Variants in GNL3L observed in about 807,000 individuals in gnomAD.
GNL3L encodes the protein G protein nucleolar 3 like.
GNL3L carries 4 observed loss-of-function variants against 42.9 expected under a neutral mutation model. That is an observed-to-expected ratio of 0.09 (90% confidence interval 0.05 to 0.21). The LOEUF is 0.21. Ranked by LOEUF, GNL3L falls within the 10% of genes least tolerant of loss-of-function variation. The probability of loss-of-function intolerance (pLI) is 1.00; values close to 1 mark genes in which losing one functional copy is unlikely to be tolerated. For missense variants in GNL3L, 412 were observed against 481.7 expected (o/e 0.86, Z 1.36); for synonymous variants, 159 against 176.3 (o/e 0.90, Z 0.78).
Position 54,564,704 on chromosome X carries a change from C to G in GNL3L, c.*4102C>G, listed in dbSNP as rs932154662. On this transcript the variant is annotated 3_prime_UTR_variant, in exon 16 of 16. Transcript: ENST00000360845. ...TACAAGAGTGAGCCACTGCGCCTGG[C>G]CTTTTTCTTTGTTCTTATATTTTTG... Among the ~76,000 whole-genome samples, 1 of 104,096 alleles carries G rather than the reference C, an allele frequency of 9.6e-6. No homozygotes were observed. The highest frequency in any genetic ancestry group is 2.0e-5 in the Non-Finnish European group (1 of 51,206). The allele number at this position is 104,096 out of a possible 115,157, so 90.4% of individuals were successfully genotyped here. A position where few individuals can be genotyped will look rare whatever the true frequency, so the allele number is the denominator to read the frequency against.
chrX:54,584,080 GA>G (rs1175537900), intron 16 of GNL3L, among the ~76,000 whole-genome samples: 2 of 103,168 alleles, frequency 1.9e-5, no homozygotes, highest in African/African-American at 3.9e-5. Flanking sequence ...TTCTTCTAAT[GA>G]TTTTTTTTTT....
In GNL3L at chrX:54,613,962, G is replaced by A. The variant is rs1414363275; in HGVS notation, c.*46-6883G>A. ...GCTATAGTAATATAGAAAGGGACCGGCAGTGGGTGGGGCCCTAAAACTCCC... is the reference window on the plus strand; with the variant it reads ...GCTATAGTAATATAGAAAGGGACCGACAGTGGGTGGGGCCCTAAAACTCCC... On this transcript the variant is annotated intron_variant, in intron 16 of 16. Coordinates refer to the GNL3L transcript ENST00000674498. Among the ~76,000 whole-genome samples the A allele has an allele frequency of 3.6e-5, 4 of 110,518 alleles. No individual in the cohort carries two copies. In the East Asian group the frequency reaches 1.1e-3, roughly 32 times the overall value.
chrX:54,549,008 T>C lies in GNL3L; in HGVS notation c.775+635T>C, dbSNP rs1261222939. Among the ~76,000 whole-genome samples the C allele has an allele frequency of 1.8e-5, 2 of 110,211 alleles. 1 individual carries two copies. The highest frequency in any genetic ancestry group is 8.6e-3 in the Middle Eastern group (2 of 233). Reference sequence around the variant, plus strand: ...TGATGGAGGCATGTAAAGAGGGAGATACAATCAGAAACACCAAAAGGGACA... The same window carrying C: ...TGATGGAGGCATGTAAAGAGGGAGACACAATCAGAAACACCAAAAGGGACA... On this transcript the variant is annotated intron_variant, in intron 9 of 15. Coordinates refer to ENST00000360845, the MANE Select transcript of GNL3L (RefSeq NM_001184819.2).
chrX:54,633,617 A>G, the GNL3L span, among the ~76,000 whole-genome samples: 1 of 110,288 alleles, frequency 9.1e-6, no homozygotes, highest in African/African-American at 3.3e-5. Context: ...TCTCAGGCCA[A>G]TGGAGTTATG....
At chrX:54,582,862 C>T (rs1925735259) in intron 16 of GNL3L, among the ~76,000 whole-genome samples, 1 of 112,394 alleles carries the variant, frequency 8.9e-6, no homozygotes, top group Non-Finnish European at 1.9e-5. Flanking sequence ...GGGTTACAGG[C>T]GTGAGCCACT....
chrX:54,634,830 C>T, the GNL3L span, among the ~76,000 whole-genome samples: 5 of 76,136 alleles, frequency 6.6e-5, no homozygotes, highest in South Asian at 9.4e-4. Flanking sequence ...CGCTCTGTCA[C>T]GCAGGCTGGA....
chrX:54,627,166 G>A, the GNL3L span, among the ~76,000 whole-genome samples: 1 of 110,425 alleles, frequency 9.1e-6, no homozygotes, highest in African/African-American at 3.3e-5. Flanking sequence ...GCGCCACGAT[G>A]CCCGGCTAAT....
rs1164238275 is a variant in GNL3L, at chrX:54,565,439, C to G, written c.*4837C>G. On this transcript the variant is annotated 3_prime_UTR_variant, in exon 16 of 16. Coordinates refer to ENST00000360845, the MANE Select transcript of GNL3L (RefSeq NM_001184819.2). The stretch of plus-strand genomic sequence containing the variant: ...CCCATCAGTATGAAAGTTTCATTTC[C>G]ACATCCTCTCTAGTACTTGGGGGTG... 5.4e-5 allele frequency among the ~76,000 whole-genome samples: 6 copies of G among 112,004 alleles called. No homozygotes were observed. Among genetic ancestry groups the G allele is most frequent in the African/African-American group, 1.6e-4 (5 of 30,856 alleles).
rs904971730 is a variant in GNL3L, at chrX:54,563,759, G to A, written c.*3157G>A. On this transcript the variant is annotated 3_prime_UTR_variant, in exon 16 of 16. Transcript: ENST00000360845. Reference sequence around the variant, plus strand: ...CGAGATTGTGCCACTGCTCTCCAGCGTGGGCAACAGAGTGAGACTGTCTCA... The same window carrying A: ...CGAGATTGTGCCACTGCTCTCCAGCATGGGCAACAGAGTGAGACTGTCTCA... 3.4e-4 allele frequency among the ~76,000 whole-genome samples: 36 copies of A among 106,807 alleles called. No individual in the cohort carries two copies. The highest frequency in any genetic ancestry group is 1.3e-3 in the African/African-American group (36 of 27,019). The allele number at this position is 106,807 out of a possible 115,157, so 92.7% of individuals were successfully genotyped here.
rs780932778 is a variant in GNL3L, at chrX:54,551,962, C to G, written c.1169C>G (p.Ala390Gly). The G allele has an allele frequency of 8.3e-7, 1 of 1,211,376 alleles. No homozygotes were observed. The highest frequency in any genetic ancestry group is 1.1e-6 in the Non-Finnish European group (1 of 895,090). ...SQEQAAKAVL[A>G]DWVSGKISFY... is the part of the protein sequence containing the mutation. The stretch of plus-strand genomic sequence containing the variant: ...GAACAGGCGGCCAAAGCTGTCCTAG[C>G]TGACTGGGTGAGGTGAGGAGGGGGT... Residue 390 changes from alanine (A) to glycine (G), a missense_variant, in exon 12 of 16, where the codon GCT becomes GGT. By Grantham distance (60) the Ala-to-Gly change is moderately conservative. Coordinates refer to ENST00000360845, the MANE Select transcript of GNL3L (RefSeq NM_001184819.2).
intron 8 of GNL3L, 105 bp from the exon 9 acceptor site, chrX:54,548,124 T>C: frequency 1.8e-6 from 1 of 567,216 alleles, no homozygotes; most frequent in Admixed American, 3.1e-5. Context: ...CGTTTCAGGC[T>C]GAGGAGCTCA....
At chrX:54,570,863 C>T (rs1925534371), downstream of GNL3L, among the ~76,000 whole-genome samples, 1 of 111,418 alleles carries the variant, frequency 9.0e-6, no homozygotes, top group South Asian at 3.7e-4. Context: ...TTTAAGTCCT[C>T]TTTTAAAGAG....
the GNL3L span, among the ~76,000 whole-genome samples, chrX:54,632,278 C>G: frequency 1.8e-5 from 2 of 111,471 alleles, no homozygotes; most frequent in African/African-American, 3.2e-5. Flanking sequence ...ATGAATTTCC[C>G]AAGTGTTCTT....
At chrX:54,556,689 C>T (rs1188969443) in intron 14 of GNL3L, among the ~76,000 whole-genome samples, 1 of 110,960 alleles carries the variant, frequency 9.0e-6, no homozygotes, top group African/African-American at 3.3e-5. Flanking sequence ...CAGAGACAGA[C>T]ACTGTTTTTG....
At chrX:54,607,082 C>CTTCTTCTTTCTTTCT (rs1557200533) in intron 16 of GNL3L, among the ~76,000 whole-genome samples, 1 of 21,976 alleles carries the variant, frequency 4.6e-5, no homozygotes, top group African/African-American at 1.2e-4. Flanking sequence ...CTCTTTCTTT[C>CTTCTTCTTTCTTTCT]TTCTTTCTTT....
At chrX:54,557,054 C>T (rs866240653) in intron 14 of GNL3L, among the ~76,000 whole-genome samples, 33 of 109,138 alleles carry the variant, frequency 3.0e-4, no homozygotes, top group African/African-American at 9.7e-4. Flanking sequence ...TGGTGATGCA[C>T]GCCTATAATC....
At chrX:54,557,215 C>T (rs1925120213) in intron 14 of GNL3L, among the ~76,000 whole-genome samples, 1 of 108,756 alleles carries the variant, frequency 9.2e-6, no homozygotes, top group Non-Finnish European at 1.9e-5. Flanking sequence ...TCACTCATTT[C>T]TCTGTCCCAG....
downstream of GNL3L, among the ~76,000 whole-genome samples, chrX:54,622,013 C>G (rs191233419): frequency 4.1e-3 from 452 of 110,837 alleles, 2 homozygotes; most frequent in African/African-American, 0.014. Flanking sequence ...TTTCAACATA[C>G]AAAGCACACA....
chrX:54,544,267 C>T lies in GNL3L; in HGVS notation c.571C>T (p.Arg191Trp), dbSNP rs778384511. The change falls in exon 8 of 16, where the codon CGG becomes TGG. Residue 191 changes from arginine (R) to tryptophan (W), a missense_variant. By Grantham distance (101) the Arg-to-Trp change is moderately radical. Coordinates refer to ENST00000360845, the MANE Select transcript of GNL3L (RefSeq NM_001184819.2). Reference protein sequence around the residue: ...EVVEKWLDYLRNELPTVAFKA... With the variant: ...EVVEKWLDYLWNELPTVAFKA... ...TGTGGAGAAATGGCTGGATTACCTTCGGAATGAGTTGCCAACCGTGGCTTT... is the reference window on the plus strand; with the variant it reads ...TGTGGAGAAATGGCTGGATTACCTTTGGAATGAGTTGCCAACCGTGGCTTT... 4.2e-6 allele frequency: 5 copies of T among 1,194,944 alleles called. No individual in the cohort carries two copies. The highest frequency in any genetic ancestry group is 3.0e-5 in the East Asian group (1 of 33,673).
Sources: allele counts gnomAD v4.1 joint callset (sites outside exome capture counted in the v4.1 genomes callset), GRCh38; gene constraint gnomAD v4.1.1; transcripts MANE v1.5; gene names NCBI Gene and HGNC (gene_info 2026-07-23, HGNC 2026-07-21).